DNAJB6: variants seen among roughly 807,000 people sequenced by gnomAD.
The protein encoded by DNAJB6 is dnaJ homolog subfamily B member 6.
In DNAJB6, 16 loss-of-function variants were observed where a neutral mutation model predicts 42.7. The observed-to-expected ratio is 0.37, with a 90% confidence interval of 0.25 to 0.57. DNAJB6 has a LOEUF of 0.57. Ranked by LOEUF, DNAJB6 falls within the 20% of genes least tolerant of loss-of-function variation. The probability of loss-of-function intolerance (pLI) is 0.74; values close to 1 mark genes in which losing one functional copy is unlikely to be tolerated. For synonymous variants in DNAJB6, 170 were observed against 163.5 expected, an observed-to-expected ratio of 1.04 and a Z score of -0.30; for missense variants, 347 against 416.8, an observed-to-expected ratio of 0.83 and a Z score of 1.46.
Position 157,417,312 on chromosome 7 carries a change from GC to G in DNAJB6, c.*1215del, listed in dbSNP as rs1796125553. ...TAACACAACTGTTGCCAAAGAGTTG[GC>G]TTTGTTTATTTGGTTTTGGCGGGGA... On this transcript the variant is annotated 3_prime_UTR_variant, in exon 10 of 10. Transcript: ENST00000262177. 6.6e-6 allele frequency: 1 copy of G among 152,208 alleles called. No homozygotes were observed. Among genetic ancestry groups the G allele is most frequent in the Non-Finnish European group, 1.5e-5 (1 of 68,052 alleles). 9.4% of individuals were successfully genotyped at this position (152,208 alleles called of 1,614,324 possible). A position where few individuals can be genotyped will look rare whatever the true frequency, so the allele number is the denominator to read the frequency against.
At chr7:157,376,503 A>G (rs1166273071) in intron 5 of DNAJB6, among the ~76,000 whole-genome samples, 2 of 152,260 alleles carry the variant, frequency 1.3e-5, no homozygotes, top group Non-Finnish European at 2.9e-5. Flanking sequence ...TGAGCCAAAT[A>G]TAAGTGACCA....
chr7:157,361,626 G>T (rs1021739350), intron 2 of DNAJB6, among the ~76,000 whole-genome samples: 1 of 152,218 alleles, frequency 6.6e-6, no homozygotes, highest in Non-Finnish European at 1.5e-5. Context: ...TAAAAGCACT[G>T]TCAGATTAGT....
rs117802607 is a variant in DNAJB6 at position 157,350,661 on chromosome 7, T to C, written c.-26-7886T>C. Among the ~76,000 whole-genome samples, 538 of 152,136 alleles carry C rather than the reference T, an allele frequency of 3.5e-3. 11 individuals are homozygous for C. The highest frequency in any genetic ancestry group is 3.4e-3 in the Middle Eastern group (1 of 294). On this transcript the variant is annotated intron_variant, in intron 1 of 9. Transcript: ENST00000262177. ...AGGAAGACGCCCAATATGGCACTTTTCTCGAAGTACTTGGAGACAACAACC... is the reference window on the plus strand; with the variant it reads ...AGGAAGACGCCCAATATGGCACTTTCCTCGAAGTACTTGGAGACAACAACC...
chr7:157,394,360 G>GT (rs1292094118), intron 8 of DNAJB6, among the ~76,000 whole-genome samples: 2 of 152,104 alleles, frequency 1.3e-5, no homozygotes, highest in African/African-American at 4.8e-5. Flanking sequence ...CTGCCCCTGT[G>GT]TATCTACCTT....
chr7:157,349,626 G>A (rs377289051), intron 1 of DNAJB6, among the ~76,000 whole-genome samples: 16 of 151,942 alleles, frequency 1.1e-4, no homozygotes, highest in Admixed American at 9.9e-4. Context: ...GGGACCATGC[G>A]CTGTGCCATC....
In DNAJB6 at chr7:157,409,934, T is replaced by TGAGGAG. The variant is rs780734833; in HGVS notation, c.836_841dup (p.Glu279_Glu280dup). 4 of 1,536,642 alleles carry TGAGGAG rather than the reference T, an allele frequency of 2.6e-6. No individual in the cohort carries two copies. In the East Asian group the frequency reaches 7.3e-5, roughly 28 times the overall value. On this transcript the variant is annotated inframe_insertion, in exon 9 of 10. Transcript: ENST00000262177. ...TGAGACACGCGCCTCACTGTCTCTC[T>TGAGGAG]GAGGAGGAGGGCGAGCAGGACCGAC... is the stretch of plus-strand genomic sequence containing the variant.
chr7:157,399,742 C>G (rs1417742706), intron 8 of DNAJB6, among the ~76,000 whole-genome samples: 4 of 152,254 alleles, frequency 2.6e-5, no homozygotes, highest in South Asian at 2.1e-4. Flanking sequence ...AGTTGTGGCT[C>G]ACTGCAACGT....
intron 8 of DNAJB6, among the ~76,000 whole-genome samples, chr7:157,407,911 C>T (rs6952964): frequency 0.044 from 6,679 of 152,242 alleles, 532 homozygotes; most frequent in African/African-American, 0.15. Context: ...CCTGGTCGGG[C>T]GCCCTGGCAT....
chr7:157,385,054 C>CTA (rs1255443346), intron 7 of DNAJB6, 46 bp downstream of exon 7: 28 of 1,583,638 alleles, frequency 1.8e-5, no homozygotes, highest in Non-Finnish European at 2.3e-5. Context: ...GCAGGCGTAA[C>CTA]GTTTCACTGG....
chr7:157,392,151 TCTC>T (rs939860980), intron 8 of DNAJB6, among the ~76,000 whole-genome samples: 2 of 151,340 alleles, frequency 1.3e-5, no homozygotes, highest in South Asian at 2.1e-4. Context: ...GAAGGAGTCT[TCTC>T]CTATCAACAA....
intron 8 of DNAJB6, among the ~76,000 whole-genome samples, chr7:157,392,420 T>A (rs572978729): frequency 6.6e-6 from 1 of 151,860 alleles, no homozygotes; most frequent in Non-Finnish European, 1.5e-5. Context: ...TAGTCTTAAT[T>A]ATTTACACAG....
At chr7:157,398,746 C>T (rs1053490322) in intron 8 of DNAJB6, among the ~76,000 whole-genome samples, 3 of 152,126 alleles carry the variant, frequency 2.0e-5, no homozygotes, top group Non-Finnish European at 4.4e-5. Flanking sequence ...TGTAACCAGC[C>T]TACATTTTAG....
At chr7:157,389,724 GAATGTCAC>G (rs1475073284) in intron 8 of DNAJB6, among the ~76,000 whole-genome samples, 1 of 152,158 alleles carries the variant, frequency 6.6e-6, no homozygotes, top group Non-Finnish European at 1.5e-5. Context: ...TGAAAAGAGG[GAATGTCAC>G]AGCAGCTATT....
intron 1 of DNAJB6, among the ~76,000 whole-genome samples, chr7:157,338,917 TC>T (rs1400825113): frequency 5.9e-5 from 9 of 152,184 alleles, no homozygotes; most frequent in Non-Finnish European, 1.2e-4. Flanking sequence ...AGTTGGGAAT[TC>T]CAGAGGGCAG....
At chr7:157,368,154 T>C (rs924981936) in intron 5 of DNAJB6, among the ~76,000 whole-genome samples, 6 of 152,200 alleles carry the variant, frequency 3.9e-5, no homozygotes, top group Admixed American at 1.3e-4. Context: ...ATCTTTTCTC[T>C]TCTTCCTCTT....
At chr7:157,393,932 G>GT (rs781027724) in intron 8 of DNAJB6, among the ~76,000 whole-genome samples, 3 of 152,208 alleles carry the variant, frequency 2.0e-5, no homozygotes, top group Non-Finnish European at 4.4e-5. Context: ...TTCACTGGAA[G>GT]CATCCACGGT....
At chr7:157,358,523 C>T (rs374763922) in intron 1 of DNAJB6, 24 bp from the exon 2 acceptor site, 7 of 1,525,154 alleles carry the variant, frequency 4.6e-6, no homozygotes, top group Non-Finnish European at 5.5e-6. Flanking sequence ...AGCCTCATCA[C>T]TGACCACCTG....
intron 4 of DNAJB6, 50 bp from the exon 5 acceptor site, chr7:157,367,323 C>A: frequency 1.6e-6 from 2 of 1,248,972 alleles, no homozygotes; most frequent in East Asian, 2.3e-5. Flanking sequence ...AATTCTTTGC[C>A]TACAAAGCAC....
At chr7:157,388,303 G>A (rs1801176027) in intron 8 of DNAJB6, among the ~76,000 whole-genome samples, 1 of 152,228 alleles carries the variant, frequency 6.6e-6, no homozygotes, top group Non-Finnish European at 1.5e-5. Flanking sequence ...AAGGGTGCAT[G>A]AGAGTACCTT....
Sources: gnomAD v4.1 joint callset for allele counts (sites outside exome capture counted in the v4.1 genomes callset) on GRCh38, gnomAD v4.1.1 for gene constraint, MANE v1.5 for transcripts, NCBI Gene and HGNC (gene_info 2026-07-23, HGNC 2026-07-21) for gene names.